Variants in TRIP10 observed in about 807,000 individuals in gnomAD.
TRIP10 encodes the protein thyroid hormone receptor interactor 10, also known as cdc42-interacting protein 4.
Under a neutral mutation model 80.9 loss-of-function variants are expected in TRIP10, and 54 were observed. The ratio of observed to expected loss-of-function variants is 0.67; its 90% CI spans 0.54 to 0.84. The LOEUF is 0.84. Ranked by LOEUF, TRIP10 falls within the 40% of genes least tolerant of loss-of-function variation. The probability of loss-of-function intolerance (pLI) is 0.00; values close to 1 mark genes in which losing one functional copy is unlikely to be tolerated. For synonymous variants in TRIP10, 321 were observed against 307.2 expected (o/e 1.04, Z -0.47); for missense variants, 773 against 815.3 (o/e 0.95, Z 0.63).
In TRIP10 at chr19:6,746,572, G is replaced by A. The variant is rs935777427; in HGVS notation, c.1262+11G>A. The A allele has an allele frequency of 3.1e-6, 5 of 1,609,310 alleles. No homozygotes were observed. Among genetic ancestry groups the A allele is most frequent in the African/African-American group, 2.7e-5 (2 of 74,946 alleles). ...GGAGGTTGACCAGAGGTAAGGTGGT[G>A]GGGTAGGGAAGGACAGGCAAGGAAC... On this transcript the variant is annotated intron_variant, in intron 11 of 14. Coordinates refer to ENST00000313244, the MANE Select transcript of TRIP10 (RefSeq NM_001288962.2). The surrounding 1 kb of genome is among the most constrained non-coding windows in gnomAD (Gnocchi z 6.2).
chr19:6,743,277 G>C, intron 5 of TRIP10, 21 bp downstream of exon 5: 3 of 1,612,628 alleles, frequency 1.9e-6, no homozygotes, highest in Non-Finnish European at 2.5e-6. Context: ...AGAGGTAGCA[G>C]TGACTGTGGC....
Position 6,744,350 on chromosome 19 carries a change from G to A in TRIP10, c.643-204G>A, listed in dbSNP as rs996393328. Among the ~76,000 whole-genome samples the A allele has an allele frequency of 6.6e-5, 10 of 152,066 alleles. No homozygotes were observed. The highest frequency in any genetic ancestry group is 1.3e-4 in the Admixed American group (2 of 15,264). On this transcript the variant is annotated intron_variant, in intron 7 of 14. Transcript: ENST00000313244. This position sits in a 1 kb window ranked among gnomAD's most constrained non-coding sequence, Gnocchi z 4.9. ...AAGCCTTTGCTGACCCCCTAGGCAC[G>A]CGTCCCCCTCTGAGATCCCCCTGGC...
Position 6,739,758 on chromosome 19 carries a change from C to T in TRIP10, c.-4C>T, listed in dbSNP as rs1050806695. The T allele has an allele frequency of 4.2e-6, 6 of 1,425,434 alleles. No individual in the cohort carries two copies. Among genetic ancestry groups the T allele is most frequent in the Non-Finnish European group, 4.6e-6 (5 of 1,082,712 alleles). 88.3% of individuals were successfully genotyped at this position (1,425,434 alleles called of 1,614,324 possible). A position where few individuals can be genotyped will look rare whatever the true frequency, so the allele number is the denominator to read the frequency against. On this transcript the variant is annotated 5_prime_UTR_variant, in exon 1 of 15. Coordinates refer to ENST00000313244, the MANE Select transcript of TRIP10 (RefSeq NM_001288962.2). Reference sequence around the variant, plus strand: ...GTGGCTGCGGCGGCGGCGGCGGGAGCAGCATGGATTGGGGCACTGAGCTGT... The same window carrying T: ...GTGGCTGCGGCGGCGGCGGCGGGAGTAGCATGGATTGGGGCACTGAGCTGT...
In TRIP10 at chr19:6,751,153, G is replaced by A. The variant is rs1304745505; in HGVS notation, c.1748G>A (p.Arg583Gln). The change falls in exon 15 of 15, where the codon CGG (arginine) becomes CAG (glutamine). Residue 583 changes from arginine (R) to glutamine (Q), a missense_variant. Coordinates refer to ENST00000313244, the MANE Select transcript of TRIP10 (RefSeq NM_001288962.2). ...GGGGACGGCTGGACCCGGGTCAGGC[G>A]GAAAGAGGGAGGCGAGGGCTACGTG... ...DKGDGWTRVR[R>Q]KEGGEGYVPT... The A allele has an allele frequency of 5.0e-6, 8 of 1,613,650 alleles. No homozygotes were observed. The highest frequency in any genetic ancestry group is 1.7e-5 in the Admixed American group (1 of 59,960).
Position 6,745,004 on chromosome 19 carries a change from G to A in TRIP10, c.984+10G>A, listed in dbSNP as rs766259697. ...TGGCAAGAAGAACAAGGTGGGGGCCGGGACCCTTGGGATGGTGGGGGAGAA... is the reference window on the plus strand; with the variant it reads ...TGGCAAGAAGAACAAGGTGGGGGCCAGGACCCTTGGGATGGTGGGGGAGAA... On this transcript the variant is annotated intron_variant, in intron 9 of 14. Coordinates refer to ENST00000313244, the MANE Select transcript of TRIP10 (RefSeq NM_001288962.2). This position sits in a 1 kb window ranked among gnomAD's most constrained non-coding sequence, Gnocchi z 7.2. 45 of 1,610,444 alleles carry A rather than the reference G, an allele frequency of 2.8e-5. 1 individual carries two copies. The East Asian group carries it at 2.9e-4, about 10-fold the overall frequency.
At position 6,742,960 on chromosome 19, in the gene TRIP10, AC is replaced by A; in HGVS notation, c.198-3del. 2 of 1,613,702 alleles carry A rather than the reference AC, an allele frequency of 1.2e-6. No individual in the cohort carries two copies. Among genetic ancestry groups the A allele is most frequent in the Non-Finnish European group, 1.7e-6 (2 of 1,179,896 alleles). On this transcript the variant is annotated splice_polypyrimidine_tract_variant and splice_region_variant and intron_variant, in intron 3 of 14. Transcript: ENST00000313244. Reference sequence around the variant, plus strand: ...CTCCCTGTTCCCCGATTCTCATCCAACCCCAGATTCAGCCAGCAACAGTCCT... The same window carrying A: ...CTCCCTGTTCCCCGATTCTCATCCAACCCAGATTCAGCCAGCAACAGTCCT...
At position 6,743,558 on chromosome 19, in the gene TRIP10, T is replaced by G; in HGVS notation, c.473T>G (p.Leu158Arg). 6.4e-7 allele frequency: 1 copy of G among 1,572,572 alleles called. No homozygotes were observed. Residue 158 changes from leucine to arginine, a missense_variant, in exon 6 of 15, where the codon CTA becomes CGA. Leu to Arg is a moderately radical substitution (Grantham distance 102, BLOSUM62 -2). Transcript: ENST00000313244. ...AAGGCAGCCCAGACTGCTGAACGGC[T>G]AGACCAGGATATCAACGCCACCAAG... ...AEKAAQTAER[L>R]DQDINATKAD...
rs1599565306 is a variant in TRIP10 at position 6,746,381 on chromosome 19, T to C, written c.1153-71T>C. On this transcript the variant is annotated intron_variant, in intron 10 of 14. Transcript: ENST00000313244. This position sits in a 1 kb window ranked among gnomAD's most constrained non-coding sequence, Gnocchi z 6.2. ...CATGGCTGGGGAAGGGAGTGAAATA[T>C]CTCAGACGGGTGCAGAGTCTGGCAG... 1 of 1,584,774 alleles carries C rather than the reference T, an allele frequency of 6.3e-7. No individual in the cohort carries two copies. Among genetic ancestry groups the C allele is most frequent in the East Asian group, 2.2e-5 (1 of 44,520 alleles).
chr19:6,749,083 C>A (rs979058443), intron 11 of TRIP10, among the ~76,000 whole-genome samples: 1 of 152,006 alleles, frequency 6.6e-6, no homozygotes, highest in Non-Finnish European at 1.5e-5. Context: ...CCCTGCCCCC[C>A]CTTCTTTTTT....
intron 5 of TRIP10, 116 bp from the exon 6 acceptor site, chr19:6,743,378 T>G: frequency 6.6e-7 from 1 of 1,516,978 alleles, no homozygotes; most frequent in Non-Finnish European, 9.0e-7. Context: ...AGGCTTCCAG[T>G]ACTCCCTTGA....
chr19:6,745,159 TG>T lies in TRIP10; in HGVS notation c.984+168del. ...AGGGAAGGAAGGCGGCCGATTGGCC[TG>T]GGAGTCCCCCGAGGCGAAGGCGGGG... On this transcript the variant is annotated intron_variant, in intron 9 of 14. Transcript: ENST00000313244. The surrounding 1 kb of genome is among the most constrained non-coding windows in gnomAD (Gnocchi z 7.2). 1.0e-6 allele frequency: 1 copy of T among 985,726 alleles called. No homozygotes were observed. The highest frequency in any genetic ancestry group is 1.7e-5 in the African/African-American group (1 of 60,342). The allele number at this position is 985,726 out of a possible 1,614,324, so 61.1% of individuals were successfully genotyped here.
At position 6,749,796 on chromosome 19, in the gene TRIP10, A is replaced by C. The variant is rs1969227931; in HGVS notation, c.1263-138A>C. The C allele has an allele frequency of 2.4e-6, 3 of 1,242,236 alleles. No individual in the cohort carries two copies. The South Asian group carries it at 4.4e-5, about 18-fold the overall frequency. 77.0% of individuals were successfully genotyped at this position (1,242,236 alleles called of 1,614,324 possible). ...AGCCCGGGAGGTTAAGGTTGCAGTG[A>C]GCCATGATTGCACCACTGCACACCA... On this transcript the variant is annotated intron_variant, in intron 11 of 14. Transcript: ENST00000313244.
chr19:6,746,319 C>T lies in TRIP10; in HGVS notation c.1152+123C>T, dbSNP rs1307263279. On this transcript the variant is annotated intron_variant, in intron 10 of 14. Transcript: ENST00000313244. This position sits in a 1 kb window ranked among gnomAD's most constrained non-coding sequence, Gnocchi z 6.2. ...CTCTTCCCTGGTTGCCCAACCCAGA[C>T]CTGCTTTGCTCTGTGCATGGCTTCG... The T allele has an allele frequency of 6.6e-7, 1 of 1,508,388 alleles. No homozygotes were observed. Among genetic ancestry groups the T allele is most frequent in the Non-Finnish European group, 8.9e-7 (1 of 1,119,626 alleles). 93.4% of individuals were successfully genotyped at this position (1,508,388 alleles called of 1,614,324 possible). A position where few individuals can be genotyped will look rare whatever the true frequency, so the allele number is the denominator to read the frequency against.
At chr19:6,747,924 G>A (rs908844844) in intron 11 of TRIP10, among the ~76,000 whole-genome samples, 5 of 151,558 alleles carry the variant, frequency 3.3e-5, no homozygotes, top group Admixed American at 6.6e-5. Context: ...CCTGGGCAAC[G>A]TAGTAAAACC....
intron 3 of TRIP10, 49 bp from the exon 4 acceptor site, chr19:6,742,918 C>G (rs376142927): frequency 9.2e-5 from 147 of 1,602,162 alleles, no homozygotes; most frequent in Non-Finnish European, 1.1e-4. Flanking sequence ...TCAGCCTGCT[C>G]GGGAGGAGGG....
chr19:6,740,969 C>T (rs750575115), intron 1 of TRIP10, 41 bp from the exon 2 acceptor site: 1 of 1,576,896 alleles, frequency 6.3e-7, no homozygotes, highest in South Asian at 1.1e-5. Context: ...AATCGTGACC[C>T]CGGCCCCTCT....
rs781461983 is a variant in TRIP10, at chr19:6,746,503, C to T, written c.1204C>T (p.Arg402Trp). The T allele has an allele frequency of 4.3e-6, 7 of 1,613,996 alleles. No homozygotes were observed. The highest frequency in any genetic ancestry group is 1.7e-5 in the Admixed American group (1 of 60,002). The change falls in exon 11 of 15, where the codon CGG becomes TGG. Residue 402 changes from arginine to tryptophan, a missense_variant. Physicochemically the swap from Arg to Trp is moderately radical, Grantham distance 101. Transcript: ENST00000313244. The surrounding 1 kb of genome is among the most constrained non-coding windows in gnomAD (Gnocchi z 6.2). Reference protein sequence around the residue: ...SHLPPEQQRKRLQQQLEERSR... With the variant: ...SHLPPEQQRKWLQQQLEERSR... ...CTTGCCCCCAGAGCAGCAGCGAAAACGGCTTCAACAGCAGTTGGAAGAACG... is the reference window on the plus strand; with the variant it reads ...CTTGCCCCCAGAGCAGCAGCGAAAATGGCTTCAACAGCAGTTGGAAGAACG...
chr19:6,747,348 C>T (rs1175938071), intron 11 of TRIP10, among the ~76,000 whole-genome samples: 2 of 152,098 alleles, frequency 1.3e-5, no homozygotes, highest in Non-Finnish European at 2.9e-5. Flanking sequence ...GAAACAGTTA[C>T]TTCTTGTCTT....
intron 1 of TRIP10, among the ~76,000 whole-genome samples, chr19:6,740,374 G>T (rs1968876367): frequency 6.6e-6 from 1 of 152,158 alleles, no homozygotes; most frequent in African/African-American, 2.4e-5. Flanking sequence ...CCTCAGCCCT[G>T]GAAGCCCCAG....
Sources: gnomAD v4.1 joint callset for allele counts (sites outside exome capture counted in the v4.1 genomes callset) on GRCh38, gnomAD v4.1.1 for gene constraint, Gnocchi (gnomAD v3.1) non-coding constraint, MANE v1.5 for transcripts, NCBI Gene and HGNC (gene_info 2026-07-23, HGNC 2026-07-21) for gene names.